Variants in PIK3C2G observed in about 807,000 individuals in gnomAD.
The protein encoded by PIK3C2G is phosphatidylinositol 3-kinase C2 domain-containing subunit gamma.
In PIK3C2G, 168 loss-of-function variants were observed where a neutral mutation model predicts 181.1. The observed-to-expected ratio is 0.93, with a 90% CI of 0.82 to 1.05. PIK3C2G has a LOEUF of 1.05. PIK3C2G is among the 50% of genes least tolerant of loss of function. PIK3C2G has a pLI of 0.00. For synonymous variants in PIK3C2G, 573 were observed against 592.2 expected (o/e 0.97, Z 0.47); for missense variants, 1,869 against 1,732.8 (o/e 1.08, Z -1.40).
chr12:18,370,636 A>G (rs1345298096), intron 12 of PIK3C2G, among the ~76,000 whole-genome samples: 1 of 152,118 alleles, frequency 6.6e-6, no homozygotes, highest in Non-Finnish European at 1.5e-5. Context: ...CTATCTTTCT[A>G]ATTACATCCT....
At chr12:18,687,518 C>A in the PIK3C2G span, among the ~76,000 whole-genome samples, 648 of 152,214 alleles carry the variant, frequency 4.3e-3, 4 homozygotes, top group African/African-American at 0.015. Context: ...CAGTACTATA[C>A]TGTGTAAGAT....
chr12:18,590,742 T>G (rs1947036378), intron 29 of PIK3C2G, among the ~76,000 whole-genome samples: 1 of 151,968 alleles, frequency 6.6e-6, no homozygotes, highest in Admixed American at 6.6e-5. Flanking sequence ...TAATATTACT[T>G]TTTGTACCTT....
intron 3 of PIK3C2G, among the ~76,000 whole-genome samples, chr12:18,288,509 C>T (rs1949551193): frequency 6.6e-6 from 1 of 152,118 alleles, no homozygotes; most frequent in African/African-American, 2.4e-5. Context: ...CGAAAATGTT[C>T]AATCTTTAAT....
At chr12:18,376,937 C>A (rs1226309269) in intron 13 of PIK3C2G, among the ~76,000 whole-genome samples, 1 of 152,146 alleles carries the variant, frequency 6.6e-6, no homozygotes, top group Non-Finnish European at 1.5e-5. Context: ...GTAAAGCCTG[C>A]AGAATAATGA....
intron 1 of PIK3C2G, among the ~76,000 whole-genome samples, chr12:18,269,095 G>T (rs1948635671): frequency 6.6e-6 from 1 of 151,822 alleles, no homozygotes; most frequent in African/African-American, 2.4e-5. Context: ...ATTTTTAGTA[G>T]AGATGGGATT....
chr12:18,429,040 A>T (rs890666379), intron 18 of PIK3C2G, among the ~76,000 whole-genome samples: 2 of 152,156 alleles, frequency 1.3e-5, no homozygotes, highest in African/African-American at 4.8e-5. Context: ...TGTGAATGTG[A>T]CCTTATGGAG....
In PIK3C2G at chr12:18,267,910, A is replaced by G. The variant is rs190042335; in HGVS notation, c.-79+6333A>G. ...AATGCACAGTCACCATAGATGCGAC[A>G]TTTTGCATTAATGCAAATTTTAGTC... On this transcript the variant is annotated intron_variant, in intron 1 of 32. Transcript: ENST00000538779. Among the ~76,000 whole-genome samples, 29 of 152,362 alleles carry G rather than the reference A, an allele frequency of 1.9e-4. No homozygotes were observed. The East Asian group carries it at 5.2e-3, about 27-fold the overall frequency.
intron 29 of PIK3C2G, among the ~76,000 whole-genome samples, chr12:18,572,157 AAT>A (rs1945979413): frequency 7.1e-6 from 1 of 141,046 alleles, no homozygotes; most frequent in African/African-American, 2.9e-5. Context: ...ATTTACAAAT[AAT>A]GTACATCTAT....
chr12:18,593,954 A>G (rs1947219509), intron 29 of PIK3C2G, among the ~76,000 whole-genome samples: 1 of 151,858 alleles, frequency 6.6e-6, no homozygotes, highest in Non-Finnish European at 1.5e-5. Context: ...AACAGATTAT[A>G]TTACTTTAAT....
chr12:18,527,782 G>A (rs10505823), intron 24 of PIK3C2G, among the ~76,000 whole-genome samples: 56,728 of 151,856 alleles, frequency 0.37, 11,400 homozygotes, highest in East Asian at 0.77. Flanking sequence ...ACTTAGGAAA[G>A]GAGACTTGAT....
intron 8 of PIK3C2G, among the ~76,000 whole-genome samples, chr12:18,337,760 C>T (rs1938676129): frequency 6.6e-6 from 1 of 152,138 alleles, no homozygotes. Context: ...GCTTCACTTC[C>T]AACATTGAGG....
In PIK3C2G at chr12:18,496,970, C is replaced by T. The variant is rs184480844; in HGVS notation, c.2887-649C>T. Among the ~76,000 whole-genome samples, 33 of 152,202 alleles carry T rather than the reference C, an allele frequency of 2.2e-4. No homozygotes were observed. The East Asian group carries it at 4.1e-3, about 19-fold the overall frequency. ...TATAATTTAGAAAGTGTTTTCAAAA[C>T]GAAATTTCTTATTTGTTTAAAAGGA... On this transcript the variant is annotated intron_variant, in intron 21 of 32. Transcript: ENST00000538779.
the PIK3C2G span, chr12:18,694,861 T>C: frequency 4.4e-6 from 6 of 1,370,890 alleles, no homozygotes; most frequent in East Asian, 2.4e-5. Context: ...GTACACTATC[T>C]AGTTTATATA....
At chr12:18,558,882 A>G (rs1267442795) in intron 26 of PIK3C2G, among the ~76,000 whole-genome samples, 1 of 152,164 alleles carries the variant, frequency 6.6e-6, no homozygotes, top group Non-Finnish European at 1.5e-5. Flanking sequence ...ATTAATTACC[A>G]TCAGAATTTT....
chr12:18,544,310 G>A (rs1944312937), intron 25 of PIK3C2G, among the ~76,000 whole-genome samples: 1 of 151,840 alleles, frequency 6.6e-6, no homozygotes, highest in Admixed American at 6.6e-5. Context: ...CCAGAATGAG[G>A]ATTTTAGACT....
intron 18 of PIK3C2G, among the ~76,000 whole-genome samples, chr12:18,449,441 C>T (rs1429543755): frequency 6.6e-6 from 1 of 151,988 alleles, no homozygotes; most frequent in Non-Finnish European, 1.5e-5. Flanking sequence ...TCCTAATGCT[C>T]TCCCTCCCCT....
chr12:18,602,885 C>T (rs1368096084), intron 30 of PIK3C2G, among the ~76,000 whole-genome samples: 1 of 152,158 alleles, frequency 6.6e-6, no homozygotes, highest in Admixed American at 6.6e-5. Flanking sequence ...TCCTTCAGCC[C>T]TTGACTTTCC....
the PIK3C2G span, among the ~76,000 whole-genome samples, chr12:18,675,562 C>G: frequency 6.6e-6 from 1 of 152,114 alleles, no homozygotes; most frequent in Non-Finnish European, 1.5e-5. Context: ...AAAAACATAC[C>G]TGCACCTGTA....
At chr12:18,438,540 A>C (rs1393780201) in intron 18 of PIK3C2G, among the ~76,000 whole-genome samples, 1 of 151,884 alleles carries the variant, frequency 6.6e-6, no homozygotes. Flanking sequence ...TTACTTCATT[A>C]ACTGACAACA....
Sources: gnomAD v4.1 joint callset for allele counts (sites outside exome capture counted in the v4.1 genomes callset) on GRCh38, gnomAD v4.1.1 for gene constraint, MANE v1.5 for transcripts, NCBI Gene and HGNC (gene_info 2026-07-23, HGNC 2026-07-21) for gene names.